Variants in CD226 observed in about 807,000 individuals in gnomAD.
The protein encoded by CD226 is CD226 molecule.
CD226 carries 24 observed loss-of-function variants against 34.9 expected under a neutral mutation model. The ratio of observed to expected loss-of-function variants is 0.69; its 90% CI spans 0.50 to 0.97. The LOEUF (loss-of-function observed/expected upper bound fraction) is 0.97. Among genes scored for constraint, CD226 ranks in the 50% least tolerant of loss-of-function variants. CD226 has a pLI of 0.00. For synonymous variants in CD226, 148 were observed against 147.4 expected (o/e 1.00, Z -0.03); for missense variants, 397 against 412.7 (o/e 0.96, Z 0.33).
upstream of CD226, among the ~76,000 whole-genome samples, chr18:69,950,836 A>G (rs1243813586): frequency 6.6e-6 from 1 of 152,136 alleles, no homozygotes; most frequent in Admixed American, 6.5e-5. Flanking sequence ...CAATTATTAG[A>G]AAGATAACTG....
chr18:69,940,747 G>T (rs1423494900), intron 2 of CD226, among the ~76,000 whole-genome samples: 1 of 152,260 alleles, frequency 6.6e-6, no homozygotes, highest in Non-Finnish European at 1.5e-5. Context: ...CTGATGATGC[G>T]ACAGAAAAGA....
At chr18:69,891,662 AT>A (rs1206657338) in intron 3 of CD226, among the ~76,000 whole-genome samples, 1 of 152,244 alleles carries the variant, frequency 6.6e-6, no homozygotes, top group Non-Finnish European at 1.5e-5. Flanking sequence ...AAATCAACAT[AT>A]AAAATATCAG....
At chr18:69,936,442 T>A (rs913265019) in intron 2 of CD226, among the ~76,000 whole-genome samples, 4 of 152,222 alleles carry the variant, frequency 2.6e-5, no homozygotes, top group African/African-American at 9.6e-5. Context: ...CCTTGCTTTC[T>A]GTGAGTCTTA....
chr18:69,931,219 C>G (rs1018616503), intron 2 of CD226, among the ~76,000 whole-genome samples: 1 of 151,896 alleles, frequency 6.6e-6, no homozygotes, highest in African/African-American at 2.4e-5. Flanking sequence ...ACATCACACA[C>G]CAGGAACTGT....
At chr18:69,881,173 A>C (rs550370864) in intron 3 of CD226, among the ~76,000 whole-genome samples, 58 of 152,356 alleles carry the variant, frequency 3.8e-4, no homozygotes, top group Middle Eastern at 3.4e-3. Context: ...AACTAAAATA[A>C]AATTAACTTT....
Position 69,863,127 on chromosome 18 carries a change from T to C in CD226, c.*1187A>G, listed in dbSNP as rs1294472570. On this transcript the variant is annotated 3_prime_UTR_variant, in exon 6 of 6. Transcript: ENST00000582621. ...AAGCAGAAGTTTCCCTTTGTATTTT[T>C]CTGTGGTTTGATTCCTTTCTCCTGT... 6.6e-6 allele frequency: 1 copy of C among 152,188 alleles called. No individual in the cohort carries two copies. The highest frequency in any genetic ancestry group is 6.5e-5 in the Admixed American group (1 of 15,276). The allele number at this position is 152,188 out of a possible 1,614,324, so 9.4% of individuals were successfully genotyped here.
intron 2 of CD226, among the ~76,000 whole-genome samples, chr18:69,936,787 A>G (rs2055659423): frequency 6.6e-6 from 1 of 152,244 alleles, no homozygotes; most frequent in Non-Finnish European, 1.5e-5. Flanking sequence ...TAAGAAAATT[A>G]AAAGTGATAG....
chr18:69,889,898 A>G (rs1002005184), intron 3 of CD226, among the ~76,000 whole-genome samples: 1 of 152,208 alleles, frequency 6.6e-6, no homozygotes. Context: ...CCATCCTTCT[A>G]TTCAGATGAC....
At chr18:69,881,024 T>C (rs1462130450) in intron 3 of CD226, among the ~76,000 whole-genome samples, 2 of 152,168 alleles carry the variant, frequency 1.3e-5, no homozygotes, top group East Asian at 3.8e-4. Flanking sequence ...ACTGAGTAAA[T>C]TTCAAATATC....
chr18:69,878,067 G>A (rs1405183264), intron 3 of CD226, among the ~76,000 whole-genome samples: 1 of 152,180 alleles, frequency 6.6e-6, no homozygotes, highest in East Asian at 1.9e-4. Flanking sequence ...GATGCTTTGG[G>A]AGTTAATCAA....
At chr18:69,913,709 G>T (rs991953743) in intron 2 of CD226, among the ~76,000 whole-genome samples, 2 of 152,288 alleles carry the variant, frequency 1.3e-5, no homozygotes, top group African/African-American at 2.4e-5. Context: ...CTGCAGGATG[G>T]ACCTCACGAG....
At chr18:69,941,339 G>A (rs767083131) in intron 2 of CD226, among the ~76,000 whole-genome samples, 1 of 152,178 alleles carries the variant, frequency 6.6e-6, no homozygotes, top group Admixed American at 6.5e-5. Flanking sequence ...ATCCACAGAC[G>A]GCTTGCACCA....
intron 4 of CD226, among the ~76,000 whole-genome samples, chr18:69,869,463 T>TGGACACATAGACGG (rs1200745772): frequency 6.6e-6 from 1 of 152,006 alleles, no homozygotes; most frequent in Non-Finnish European, 1.5e-5. Flanking sequence ...TGAGAACACA[T>TGGACACATAGACGG]GGACACATAG....
chr18:69,898,409 G>A (rs1425413083), intron 2 of CD226, among the ~76,000 whole-genome samples: 3 of 152,126 alleles, frequency 2.0e-5, no homozygotes, highest in Non-Finnish European at 4.4e-5. Flanking sequence ...TCAGGCCCCC[G>A]TGAACCTGCC....
intron 2 of CD226, 98 bp from the exon 3 acceptor site, chr18:69,896,143 A>G (rs1275800344): frequency 6.8e-7 from 1 of 1,464,748 alleles, no homozygotes; most frequent in East Asian, 2.4e-5. Flanking sequence ...GATGTTACCT[A>G]ACACAGTTCT....
intron 3 of CD226, among the ~76,000 whole-genome samples, chr18:69,880,715 G>A (rs1225528836): frequency 2.0e-5 from 3 of 147,814 alleles, no homozygotes; most frequent in Admixed American, 6.9e-5. Context: ...GCAGTGGCAC[G>A]ATCTCGGCTC....
intron 2 of CD226, among the ~76,000 whole-genome samples, chr18:69,915,595 G>C (rs769467339): frequency 6.6e-6 from 1 of 152,154 alleles, no homozygotes; most frequent in Non-Finnish European, 1.5e-5. Flanking sequence ...AATTGAAATA[G>C]TTGCTTTGAA....
At chr18:69,921,515 G>T (rs1468472855) in intron 2 of CD226, among the ~76,000 whole-genome samples, 1 of 152,126 alleles carries the variant, frequency 6.6e-6, no homozygotes, top group African/African-American at 2.4e-5. Flanking sequence ...TCATATAAGA[G>T]GGCACCACAT....
chr18:69,872,057 GGTGTGTGTGTGT>G (rs201644137), intron 4 of CD226, among the ~76,000 whole-genome samples: 2 of 143,430 alleles, frequency 1.4e-5, no homozygotes, highest in East Asian at 2.0e-4. Flanking sequence ...ATTAACAAGG[GGTGTGTGTGTGT>G]GTGTGTGTGT....
Sources: gnomAD v4.1 joint callset for allele counts (sites outside exome capture counted in the v4.1 genomes callset) on GRCh38, gnomAD v4.1.1 for gene constraint, MANE v1.5 for transcripts, NCBI Gene and HGNC (gene_info 2026-07-23, HGNC 2026-07-21) for gene names.